The following IRF3 variants were observed in gnomAD, a reference collection of about 807,000 sequenced individuals.
The protein encoded by IRF3 is interferon regulatory factor 3.
IRF3 carries 29 observed loss-of-function variants against 43.2 expected under a neutral mutation model. That is an observed-to-expected ratio of 0.67 (90% CI 0.50 to 0.91). IRF3 has a LOEUF of 0.91. Ranked by LOEUF, IRF3 falls within the 40% of genes least tolerant of loss-of-function variation. The pLI is 0.00. For synonymous variants in IRF3, 228 were observed against 233.9 expected, an observed-to-expected ratio of 0.97 and a Z score of 0.23; for missense variants, 505 against 559.1, an observed-to-expected ratio of 0.90 and a Z score of 0.98.
intron 1 of IRF3, 49 bp from the exon 2 acceptor site, chr19:49,664,895 A>C: frequency 6.4e-7 from 1 of 1,559,794 alleles, no homozygotes; most frequent in Non-Finnish European, 8.7e-7. Context: ...CCCCGGACCC[A>C]CCTGGCCTGG....
intron 7 of IRF3, among the ~76,000 whole-genome samples, 194 bp from the exon 8 acceptor site, chr19:49,660,027 A>ACACACACACACACACACACCCCCCCC (rs57168131): frequency 1.3e-5 from 1 of 74,716 alleles, no homozygotes; most frequent in African/African-American, 9.9e-5. Flanking sequence ...ACACACACAC[A>ACACACACACACACACACACCCCCCCC]CCCCCTGCTG....
intron 4 of IRF3, 65 bp from the exon 5 acceptor site, chr19:49,662,682 C>G: frequency 7.6e-7 from 1 of 1,318,510 alleles, no homozygotes. Context: ...TTCATATGGA[C>G]CAGGTCTGTT....
intron 7 of IRF3, among the ~76,000 whole-genome samples, 189 bp from the exon 8 acceptor site, chr19:49,660,022 CA>C (rs2081229446): frequency 8.3e-5 from 10 of 120,464 alleles, no homozygotes; most frequent in East Asian, 2.1e-4. Flanking sequence ...CACACACACA[CA>C]CACACCCCCT....
rs746196443 is a variant in IRF3, at chr19:49,659,613, A to G, written c.*35T>C. ...TTTATTGGTTGAGGTGGTGGGGAAC[A>G]GGGGGGTTGGAGGCACACCATGAGG... On this transcript the variant is annotated 3_prime_UTR_variant, in exon 8 of 8. Transcript: ENST00000377139. 91 of 1,589,668 alleles carry G rather than the reference A, an allele frequency of 5.7e-5. No homozygotes were observed. Among genetic ancestry groups the G allele is most frequent in the Non-Finnish European group, 7.2e-5 (84 of 1,168,382 alleles).
rs748641459 is a variant in IRF3 at position 49,659,656 on chromosome 19, C to T, written c.1276G>A (p.Glu426Lys). ...VEGMDFQGPG[E>K]S The stretch of plus-strand genomic sequence containing the variant: ...CCATGAGGAGCGAGGGCTCAGCTCT[C>T]CCCAGGGCCCTGGAAATCCATGCCC... Residue 426 changes from glutamate to lysine, a missense_variant, in exon 8 of 8, where the codon GAG (glutamate) becomes AAG (lysine). Transcript: ENST00000377139. 8.1e-6 allele frequency: 13 copies of T among 1,612,916 alleles called. No individual in the cohort carries two copies. The African/African-American group carries it at 1.5e-4, about 18-fold the overall frequency.
intron 1 of IRF3, chr19:49,665,140 G>A (rs2081611215): frequency 1.7e-5 from 6 of 362,228 alleles, no homozygotes; most frequent in Non-Finnish European, 3.1e-5. Flanking sequence ...CCACATCATC[G>A]AAAGTAAGTA....
Position 49,660,752 on chromosome 19 carries a change from G to A in IRF3, c.1059C>T (p.Pro353=). ...GCCTCTTGGTCCACGGCTGGTCCTG[G>A]GGCCATGACTCCCCCACACAGAACC... ...ALWFCVGESW[P]QDQPWTKRLV... Residue 353 remains proline, a synonymous_variant, in exon 7 of 8, where the codon CCC becomes CCT. Transcript: ENST00000377139. 1 of 1,610,386 alleles carries A rather than the reference G, an allele frequency of 6.2e-7. No individual in the cohort carries two copies. The highest frequency in any genetic ancestry group is 8.5e-7 in the Non-Finnish European group (1 of 1,178,660).
Position 49,664,689 on chromosome 19 carries a change from ATCC to A in IRF3, c.147_149del (p.Glu49del). 6.2e-7 allele frequency: 1 copy of A among 1,613,482 alleles called. No individual in the cohort carries two copies. The highest frequency in any genetic ancestry group is 8.5e-7 in the Non-Finnish European group (1 of 1,179,614). On this transcript the variant is annotated inframe_deletion, in exon 2 of 8. Transcript: ENST00000377139. ...TCGCACGCACCTGGAAGATTCCGAAATCCTCCTGCTGTGCATCCTGCCGTAGGC... is the reference window on the plus strand; with the variant it reads ...TCGCACGCACCTGGAAGATTCCGAAATCCTGCTGTGCATCCTGCCGTAGGC...
At position 49,659,795 on chromosome 19, in the gene IRF3, G is replaced by C. The variant is rs200392275; in HGVS notation, c.1137C>G (p.Ala379=). Residue 379 remains alanine (A), a synonymous_variant, in exon 8 of 8, where the codon GCC becomes GCG. Transcript: ENST00000377139. ...PTCLRALVEM[A]RVGGASSLEN... is the part of the protein sequence containing the mutation. ...CCAGGGAGGAGGCACCCCCTACCCG[G>C]GCCATTTCTACCAAGGCCCTGAGGC... is the stretch of plus-strand genomic sequence containing the variant. The C allele has an allele frequency of 1.5e-4, 241 of 1,608,182 alleles. No homozygotes were observed. Among genetic ancestry groups the C allele is most frequent in the Non-Finnish European group, 2.0e-4 (234 of 1,176,324 alleles).
Position 49,665,850 on chromosome 19 carries a change from G to C in IRF3, c.-228C>G. On this transcript the variant is annotated 5_prime_UTR_variant, in exon 1 of 8. Transcript: ENST00000377139. ...TGGGACGGCCCGCTGGGCTGTTCCC[G>C]CCCCTATGCCCTTTTTTGGGTTTCC... The C allele has an allele frequency of 6.2e-7, 1 of 1,603,622 alleles. No individual in the cohort carries two copies. The highest frequency in any genetic ancestry group is 8.5e-7 in the Non-Finnish European group (1 of 1,171,384).
chr19:49,662,677 A>C, intron 4 of IRF3, 60 bp from the exon 5 acceptor site: 1 of 1,351,030 alleles, frequency 7.4e-7, no homozygotes, highest in Non-Finnish European at 1.0e-6. Flanking sequence ...GAGACTTCAT[A>C]TGGACCAGGT....
Position 49,659,623 on chromosome 19 carries a change from G to C in IRF3, c.*25C>G, listed in dbSNP as rs1252241917. ...GAGGTGGTGGGGAACAGGGGGGTTG[G>C]AGGCACACCATGAGGAGCGAGGGCT... On this transcript the variant is annotated 3_prime_UTR_variant, in exon 8 of 8. Coordinates refer to ENST00000377139, the MANE Select transcript of IRF3 (RefSeq NM_001571.6). 1.2e-6 allele frequency: 2 copies of C among 1,600,444 alleles called. No homozygotes were observed. The highest frequency in any genetic ancestry group is 1.7e-4 in the Middle Eastern group (1 of 6,024).
At chr19:49,663,699 C>CT (rs1376929359) in intron 2 of IRF3, 185 bp from the exon 3 acceptor site, 19 of 598,286 alleles carry the variant, frequency 3.2e-5, no homozygotes, top group Middle Eastern at 4.5e-4. Flanking sequence ...TTTCAAAAGG[C>CT]TTTTTTTCTT....
Position 49,659,634 on chromosome 19 carries a change from T to G in IRF3, c.*14A>C, listed in dbSNP as rs748135462. The G allele has an allele frequency of 1.2e-6, 2 of 1,607,570 alleles. No homozygotes were observed. Among genetic ancestry groups the G allele is most frequent in the African/African-American group, 2.7e-5 (2 of 74,826 alleles). ...GAACAGGGGGGTTGGAGGCACACCA[T>G]GAGGAGCGAGGGCTCAGCTCTCCCC... On this transcript the variant is annotated 3_prime_UTR_variant, in exon 8 of 8. Transcript: ENST00000377139.
rs1282254086 is a variant in IRF3 at position 49,659,788 on chromosome 19, C to G, written c.1144G>C (p.Gly382Arg). 6.2e-7 allele frequency: 1 copy of G among 1,610,476 alleles called. No individual in the cohort carries two copies. The highest frequency in any genetic ancestry group is 1.3e-5 in the African/African-American group (1 of 74,918). The change falls in exon 8 of 8, where the codon GGG becomes CGG. Residue 382 changes from glycine to arginine, a missense_variant. Transcript: ENST00000377139. ...GTATTCTCCAGGGAGGAGGCACCCC[C>G]TACCCGGGCCATTTCTACCAAGGCC... ...LRALVEMARVGGASSLENTVD... is the reference protein window; with the variant it reads ...LRALVEMARVRGASSLENTVD...
intron 2 of IRF3, among the ~76,000 whole-genome samples, chr19:49,664,088 A>G (rs2081502373): frequency 6.6e-6 from 1 of 151,780 alleles, no homozygotes; most frequent in African/African-American, 2.4e-5. Flanking sequence ...CTGGCCTCAA[A>G]CTCCTGGGCT....
At chr19:49,665,584 C>T (rs148729350) in intron 1 of IRF3, 47 bp downstream of exon 1, 621 of 527,802 alleles carry the variant, frequency 1.2e-3, no homozygotes, top group Non-Finnish European at 1.7e-3. Context: ...TTTCCCGCTC[C>T]TCGCTCTCGG....
At position 49,660,818 on chromosome 19, in the gene IRF3, G is replaced by A; in HGVS notation, c.993C>T (p.Thr331=). The A allele has an allele frequency of 6.2e-7, 1 of 1,600,264 alleles. No individual in the cohort carries two copies. The highest frequency in any genetic ancestry group is 1.1e-5 in the South Asian group (1 of 88,302). Residue 331 remains threonine, a synonymous_variant, in exon 7 of 8, where the codon ACC becomes ACT. Coordinates refer to ENST00000377139, the MANE Select transcript of IRF3 (RefSeq NM_001571.6). ...GTGAGCGTCCGCTTCCTTCCGTGAA[G>A]GTAATCAGATCTGGGGGCCCAGGAG... ...DLGPFIVDLI[T]FTEGSGRSPR...
rs1419306610 is a variant in IRF3 at position 49,662,109 on chromosome 19, A to G, written c.821T>C (p.Leu274Pro). Reference sequence around the variant, plus strand: ...CCAGAGCCACTGCCCGGCCCGCCAGAGAGCCAGTCCCCCACCCAGGCAGCT... The same window carrying G: ...CCAGAGCCACTGCCCGGCCCGCCAGGGAGCCAGTCCCCCACCCAGGCAGCT... ...VLSCLGGGLA[L>P]WRAGQWLWAQ... The change falls in exon 6 of 8, where the codon CTC (leucine) becomes CCC (proline). Residue 274 changes from leucine to proline, a missense_variant. Physicochemically the swap from Leu to Pro is moderately conservative, Grantham distance 98. Transcript: ENST00000377139. 1.2e-6 allele frequency: 2 copies of G among 1,613,674 alleles called. No homozygotes were observed. Among genetic ancestry groups the G allele is most frequent in the Non-Finnish European group, 1.7e-6 (2 of 1,179,752 alleles).
Sources: allele counts gnomAD v4.1 joint callset (sites outside exome capture counted in the v4.1 genomes callset), GRCh38; gene constraint gnomAD v4.1.1; transcripts MANE v1.5; gene names NCBI Gene and HGNC (gene_info 2026-07-23, HGNC 2026-07-21).